The following SCAMP1 variants were observed in gnomAD, a reference collection of about 807,000 sequenced individuals.
The protein encoded by SCAMP1 is secretory carrier membrane protein 1.
In SCAMP1, 15 loss-of-function variants were observed where a neutral mutation model predicts 41.8. The ratio of observed to expected loss-of-function variants is 0.36; its 90% CI spans 0.24 to 0.55. SCAMP1 has a LOEUF of 0.55. Among genes scored for constraint, SCAMP1 ranks in the 20% least tolerant of loss-of-function variants. The probability of loss-of-function intolerance (pLI) is 0.86; values close to 1 mark genes in which losing one functional copy is unlikely to be tolerated. For synonymous variants in SCAMP1, 135 were observed against 136.8 expected (o/e 0.99, Z 0.09); for missense variants, 341 against 412.6 (o/e 0.83, Z 1.50).
intron 6 of SCAMP1, among the ~76,000 whole-genome samples, chr5:78,444,302 A>G (rs1286617045): frequency 6.6e-6 from 1 of 152,226 alleles, no homozygotes; most frequent in Non-Finnish European, 1.5e-5. Context: ...TAATGGACTC[A>G]CAGTTCCACA....
intron 2 of SCAMP1, among the ~76,000 whole-genome samples, chr5:78,412,025 A>G (rs1390932601): frequency 6.6e-6 from 1 of 151,764 alleles, no homozygotes; most frequent in Non-Finnish European, 1.5e-5. Context: ...TTGTATGTTT[A>G]TTTTTCTTTT....
intron 6 of SCAMP1, 27 bp downstream of exon 6, chr5:78,421,987 C>G (rs1580681978): frequency 6.4e-7 from 1 of 1,570,894 alleles, no homozygotes; most frequent in Non-Finnish European, 8.7e-7. Context: ...TTAAAATACA[C>G]TCTTTAAAAC....
intron 6 of SCAMP1, among the ~76,000 whole-genome samples, chr5:78,442,715 T>A (rs1752956358): frequency 6.6e-6 from 1 of 152,228 alleles, no homozygotes. Flanking sequence ...ATTTTGTCTG[T>A]TTAAGCTTTC....
chr5:78,421,750 A>C, intron 5 of SCAMP1, 51 bp from the exon 6 acceptor site: 1 of 1,513,038 alleles, frequency 6.6e-7, no homozygotes, highest in Admixed American at 2.0e-5. Flanking sequence ...GGATGAATTC[A>C]TAAATTGAAT....
At chr5:78,402,257 GA>G in intron 2 of SCAMP1, among the ~76,000 whole-genome samples, 1 of 151,386 alleles carries the variant, frequency 6.6e-6, no homozygotes, top group South Asian at 2.1e-4. Flanking sequence ...CTGTCTTGGT[GA>G]GTGTTCCATG....
intron 8 of SCAMP1, among the ~76,000 whole-genome samples, chr5:78,471,398 T>G (rs1753880018): frequency 6.6e-6 from 1 of 152,094 alleles, no homozygotes; most frequent in African/African-American, 2.4e-5. Context: ...TCCAGAAATT[T>G]CAAACTGAAA....
chr5:78,393,396 T>C (rs1751567583), intron 2 of SCAMP1, among the ~76,000 whole-genome samples: 1 of 152,162 alleles, frequency 6.6e-6, no homozygotes, highest in African/African-American at 2.4e-5. Context: ...GGTCTCAAAC[T>C]CCTGGCCTCA....
At chr5:78,368,081 G>A (rs1285208279) in intron 1 of SCAMP1, among the ~76,000 whole-genome samples, 2 of 152,190 alleles carry the variant, frequency 1.3e-5, no homozygotes, top group Non-Finnish European at 2.9e-5. Flanking sequence ...CTTTAGTCCA[G>A]GCTGTCACAA....
intron 2 of SCAMP1, among the ~76,000 whole-genome samples, chr5:78,401,050 G>T (rs1390394760): frequency 6.6e-6 from 1 of 152,140 alleles, no homozygotes; most frequent in African/African-American, 2.4e-5. Flanking sequence ...TATTATGCAT[G>T]TGTGTTGGAT....
intron 8 of SCAMP1, among the ~76,000 whole-genome samples, chr5:78,459,724 T>C (rs972167539): frequency 6.6e-6 from 1 of 152,196 alleles, no homozygotes; most frequent in East Asian, 1.9e-4. Flanking sequence ...ATGTGATATG[T>C]ACATTTTATT....
chr5:78,402,043 A>G (rs1168628276), intron 2 of SCAMP1, among the ~76,000 whole-genome samples: 1 of 152,116 alleles, frequency 6.6e-6, no homozygotes, highest in Admixed American at 6.5e-5. Flanking sequence ...CACTTAGCTC[A>G]AAATACTTTA....
chr5:78,410,552 G>A (rs77775735), intron 2 of SCAMP1, among the ~76,000 whole-genome samples: 4 of 152,136 alleles, frequency 2.6e-5, no homozygotes, highest in African/African-American at 9.7e-5. Flanking sequence ...ATGATTGATG[G>A]GCATTTAGAT....
At chr5:78,391,726 T>C (rs1283099504) in intron 2 of SCAMP1, among the ~76,000 whole-genome samples, 4 of 152,176 alleles carry the variant, frequency 2.6e-5, no homozygotes, top group Non-Finnish European at 5.9e-5. Context: ...CATTGAGCAC[T>C]GAGTGAACCA....
chr5:78,410,035 G>C (rs1306347028), intron 2 of SCAMP1, among the ~76,000 whole-genome samples: 1 of 151,996 alleles, frequency 6.6e-6, no homozygotes, highest in Non-Finnish European at 1.5e-5. Flanking sequence ...TACTGATCAA[G>C]ATAGCAGTTC....
At chr5:78,417,916 A>G (rs1475775362) in intron 4 of SCAMP1, among the ~76,000 whole-genome samples, 1 of 152,224 alleles carries the variant, frequency 6.6e-6, no homozygotes, top group East Asian at 1.9e-4. Flanking sequence ...GGTCTGGGAA[A>G]AGTAGGTAAA....
intron 2 of SCAMP1, among the ~76,000 whole-genome samples, chr5:78,391,268 G>A (rs1291134667): frequency 6.6e-6 from 1 of 151,380 alleles, no homozygotes; most frequent in African/African-American, 2.4e-5. Flanking sequence ...CGGGGCAGCT[G>A]GCCGGGCGGG....
intron 5 of SCAMP1, among the ~76,000 whole-genome samples, chr5:78,419,548 C>T (rs1274341943): frequency 1.3e-5 from 2 of 152,172 alleles, no homozygotes; most frequent in Non-Finnish European, 2.9e-5. Flanking sequence ...ACTCTGTGTG[C>T]ACAGACCTCC....
At chr5:78,380,277 G>C (rs1416310125) in intron 1 of SCAMP1, among the ~76,000 whole-genome samples, 1 of 152,178 alleles carries the variant, frequency 6.6e-6, no homozygotes. Flanking sequence ...GTTACAAATA[G>C]AATTTTGCTG....
intron 7 of SCAMP1, among the ~76,000 whole-genome samples, chr5:78,454,698 A>G (rs1380701037): frequency 1.3e-5 from 2 of 152,184 alleles, no homozygotes; most frequent in African/African-American, 4.8e-5. Flanking sequence ...CTGGCCTCAT[A>G]AAATGACTTA....
Sources: allele counts gnomAD v4.1 joint callset (sites outside exome capture counted in the v4.1 genomes callset), GRCh38; gene constraint gnomAD v4.1.1; transcripts MANE v1.5; gene names NCBI Gene and HGNC (gene_info 2026-07-23, HGNC 2026-07-21).